ANKRD33B: variants seen among roughly 807,000 people sequenced by gnomAD.
ANKRD33B encodes the protein ankyrin repeat domain-containing protein 33B.
ANKRD33B carries 6 observed loss-of-function variants against 21.5 expected under a neutral mutation model. That is an observed-to-expected ratio of 0.28 (90% confidence interval 0.15 to 0.55). The LOEUF (loss-of-function observed/expected upper bound fraction) is 0.55, where lower values mean the gene tolerates loss of function less well. Ranked by LOEUF, ANKRD33B falls within the 20% of genes least tolerant of loss-of-function variation. The pLI is 0.94. For missense variants in ANKRD33B, 698 were observed against 747.2 expected (o/e 0.93, Z 0.77); for synonymous variants, 347 against 342.4 (o/e 1.01, Z -0.15).
At chr5:10,640,137 G>A (rs962781603) in intron 3 of ANKRD33B, among the ~76,000 whole-genome samples, 3 of 150,290 alleles carry the variant, frequency 2.0e-5, no homozygotes, top group Non-Finnish European at 3.0e-5. Context: ...GTGACGTGGA[G>A]TTGTGTGGTG....
In ANKRD33B at chr5:10,564,326, T is replaced by C. The variant is rs1401659150; in HGVS notation, c.-142T>C. On this transcript the variant is annotated 5_prime_UTR_variant, in exon 1 of 4. Coordinates refer to ENST00000296657, the MANE Select transcript of ANKRD33B (RefSeq NM_001164440.2). Reference sequence around the variant, plus strand: ...TTTTTCTTTGAGCGCAGCCGCCTGGTGCCGGTTTCCGCCGAGCTGGAGCGC... The same window carrying C: ...TTTTTCTTTGAGCGCAGCCGCCTGGCGCCGGTTTCCGCCGAGCTGGAGCGC... 1.0e-5 allele frequency: 5 copies of C among 493,054 alleles called. No individual in the cohort carries two copies. The highest frequency in any genetic ancestry group is 5.3e-6 in the Non-Finnish European group (2 of 376,908). The allele number at this position is 493,054 out of a possible 1,614,324, so 30.5% of individuals were successfully genotyped here.
intron 1 of ANKRD33B, among the ~76,000 whole-genome samples, chr5:10,601,432 A>G (rs965955173): frequency 2.0e-5 from 3 of 152,072 alleles, no homozygotes; most frequent in Admixed American, 6.5e-5. Context: ...ACCTCCCACC[A>G]TTGCTTGGCT....
At chr5:10,585,132 G>A (rs1735526205) in intron 1 of ANKRD33B, among the ~76,000 whole-genome samples, 1 of 152,196 alleles carries the variant, frequency 6.6e-6, no homozygotes, top group South Asian at 2.1e-4. Flanking sequence ...AGCTGGAGGG[G>A]AAGGAAGAAG....
At chr5:10,649,141 C>G in intron 3 of ANKRD33B, 125 bp from the exon 4 acceptor site, 1 of 1,430,014 alleles carries the variant, frequency 7.0e-7, no homozygotes, top group Non-Finnish European at 9.1e-7. Flanking sequence ...TAGGTGCAGT[C>G]TGTTAGGAGG....
At chr5:10,646,205 C>G (rs560752748) in intron 3 of ANKRD33B, among the ~76,000 whole-genome samples, 1 of 152,122 alleles carries the variant, frequency 6.6e-6, no homozygotes, top group Non-Finnish European at 1.5e-5. Context: ...CCACTTTTGT[C>G]CACATGATTG....
At chr5:10,639,990 GCGA>G in intron 3 of ANKRD33B, among the ~76,000 whole-genome samples, 2 of 75,066 alleles carry the variant, frequency 2.7e-5, no homozygotes, top group African/African-American at 3.6e-5. Context: ...GAGTTGCGCG[GCGA>G]TGTTAGCGGG....
At chr5:10,629,362 G>A (rs1736652289) in intron 2 of ANKRD33B, among the ~76,000 whole-genome samples, 1 of 152,184 alleles carries the variant, frequency 6.6e-6, no homozygotes, top group Non-Finnish European at 1.5e-5. Flanking sequence ...GTGCTCAAGT[G>A]ATGTCAGAGG....
chr5:10,564,775 C>A lies in ANKRD33B; in HGVS notation c.308C>A (p.Thr103Lys). 6.6e-7 allele frequency: 1 copy of A among 1,525,968 alleles called. No homozygotes were observed. Among genetic ancestry groups the A allele is most frequent in the Non-Finnish European group, 8.8e-7 (1 of 1,140,268 alleles). The allele number at this position is 1,525,968 out of a possible 1,614,324, so 94.5% of individuals were successfully genotyped here. A position where few individuals can be genotyped will look rare whatever the true frequency, so the allele number is the denominator to read the frequency against. Reference protein sequence around the residue: ...ACANNVGLLRTLVRRGVSVEE... With the variant: ...ACANNVGLLRKLVRRGVSVEE... ...GCCAACAACGTGGGGCTGCTGCGGA[C>A]GCTGGTGCGGCGCGGGGTGAGCGTC... is the stretch of plus-strand genomic sequence containing the variant. Residue 103 changes from threonine (T) to lysine (K), a missense_variant, in exon 1 of 4, where the codon ACG becomes AAG. Thr to Lys is a moderately conservative substitution (Grantham distance 78). Transcript: ENST00000296657.
intron 1 of ANKRD33B, among the ~76,000 whole-genome samples, chr5:10,592,369 T>C (rs4702706): frequency 0.33 from 49,165 of 150,144 alleles, 8,563 homozygotes; most frequent in Admixed American, 0.48. Context: ...TCCCAGCACT[T>C]TGGGAGGCCA....
chr5:10,628,538 A>G (rs1442744976), intron 2 of ANKRD33B, among the ~76,000 whole-genome samples: 1 of 152,056 alleles, frequency 6.6e-6, no homozygotes, highest in African/African-American at 2.4e-5. Flanking sequence ...CCAGGCTTGT[A>G]TCTAACTCCT....
intron 2 of ANKRD33B, among the ~76,000 whole-genome samples, chr5:10,627,652 CTTATT>C (rs1369424432): frequency 1.3e-5 from 2 of 152,172 alleles, no homozygotes; most frequent in Non-Finnish European, 2.9e-5. Flanking sequence ...TGTTATTTAT[CTTATT>C]TTATTAGCAG....
chr5:10,571,975 G>T (rs1735205500), intron 1 of ANKRD33B, among the ~76,000 whole-genome samples: 1 of 149,952 alleles, frequency 6.7e-6, no homozygotes, highest in African/African-American at 2.5e-5. Flanking sequence ...TGCAACCTCT[G>T]CCTCCCAGGT....
At chr5:10,641,905 C>T (rs1003781096) in intron 3 of ANKRD33B, among the ~76,000 whole-genome samples, 10 of 152,160 alleles carry the variant, frequency 6.6e-5, no homozygotes, top group African/African-American at 1.9e-4. Flanking sequence ...AACAGAGTTT[C>T]GGCCCTGCCT....
Position 10,576,296 on chromosome 5 carries a change from T to G in ANKRD33B, c.366+11463T>G, listed in dbSNP as rs954230616. Among the ~76,000 whole-genome samples the G allele has an allele frequency of 6.6e-6, 1 of 152,188 alleles. No homozygotes were observed. Among genetic ancestry groups the G allele is most frequent in the Non-Finnish European group, 1.5e-5 (1 of 68,036 alleles). On this transcript the variant is annotated intron_variant, in intron 1 of 3. Transcript: ENST00000296657. The surrounding 1 kb of genome is among the most constrained non-coding windows in gnomAD (Gnocchi z 4.1). Reference sequence around the variant, plus strand: ...TGGGAAGAGGACTCACTGGAAATATTGGGCAACAGAACCTGGCTGCCTTCA... The same window carrying G: ...TGGGAAGAGGACTCACTGGAAATATGGGGCAACAGAACCTGGCTGCCTTCA...
chr5:10,625,513 G>A (rs1029264248), intron 2 of ANKRD33B, among the ~76,000 whole-genome samples: 2 of 152,088 alleles, frequency 1.3e-5, no homozygotes, highest in South Asian at 2.1e-4. Context: ...CTGCTGTGTC[G>A]GTGTCCCTGA....
At chr5:10,568,498 A>G (rs181095011) in intron 1 of ANKRD33B, among the ~76,000 whole-genome samples, 1 of 152,362 alleles carries the variant, frequency 6.6e-6, no homozygotes, top group Admixed American at 6.5e-5. Flanking sequence ...TCAATTTAAA[A>G]TACTGCACTC....
At chr5:10,570,354 C>T (rs1033565257) in intron 1 of ANKRD33B, among the ~76,000 whole-genome samples, 2 of 152,168 alleles carry the variant, frequency 1.3e-5, no homozygotes, top group East Asian at 1.9e-4. Flanking sequence ...TGGTCAGCTG[C>T]GAATGGCAAG....
chr5:10,650,094 C>T lies in ANKRD33B; in HGVS notation c.1466C>T (p.Pro489Leu), dbSNP rs2126612072. 1 of 1,523,682 alleles carries T rather than the reference C, an allele frequency of 6.6e-7. No homozygotes were observed. Among genetic ancestry groups the T allele is most frequent in the Non-Finnish European group, 8.8e-7 (1 of 1,139,902 alleles). 94.4% of individuals were successfully genotyped at this position (1,523,682 alleles called of 1,614,324 possible). ...AEAQKERRTA[P>L]WKKRT The stretch of plus-strand genomic sequence containing the variant: ...GCGCAGAAGGAGAGGCGCACTGCGC[C>T]CTGGAAGAAGAGGACGTGAGGGCCC... Residue 489 changes from proline to leucine, a missense_variant, in exon 4 of 4, where the codon CCC becomes CTC. Transcript: ENST00000296657.
intron 1 of ANKRD33B, among the ~76,000 whole-genome samples, chr5:10,584,407 G>A (rs1259065589): frequency 1.3e-5 from 2 of 152,054 alleles, no homozygotes; most frequent in Non-Finnish European, 2.9e-5. Flanking sequence ...TTAGCCAGAT[G>A]TGGGGGTACA....
Sources: allele counts gnomAD v4.1 joint callset (sites outside exome capture counted in the v4.1 genomes callset), GRCh38; gene constraint gnomAD v4.1.1; non-coding constraint Gnocchi (gnomAD v3.1); transcripts MANE v1.5; gene names NCBI Gene and HGNC (gene_info 2026-07-23, HGNC 2026-07-21).